Variants in HS3ST4 observed in about 807,000 individuals in gnomAD.
HS3ST4 encodes heparan sulfate glucosamine 3-O-sulfotransferase 4.
HS3ST4 carries 17 observed loss-of-function variants against 29.2 expected under a neutral mutation model. That is an observed-to-expected ratio of 0.58 (90% CI 0.40 to 0.87). The LOEUF (loss-of-function observed/expected upper bound fraction) is 0.87, where lower values mean the gene tolerates loss of function less well. Among genes scored for constraint, HS3ST4 ranks in the 40% least tolerant of loss-of-function variants. The probability of loss-of-function intolerance (pLI) is 0.00; values close to 1 mark genes in which losing one functional copy is unlikely to be tolerated. For missense variants in HS3ST4, 627 were observed against 634.5 expected, an observed-to-expected ratio of 0.99 and a Z score of 0.13; for synonymous variants, 314 against 285.7, an observed-to-expected ratio of 1.10 and a Z score of -1.00.
chr16:25,778,339 C>A (rs1596567963), intron 1 of HS3ST4, among the ~76,000 whole-genome samples: 1 of 152,280 alleles, frequency 6.6e-6, no homozygotes, highest in Non-Finnish European at 1.5e-5. Context: ...AGTGCCTCAC[C>A]TTATGGTTCC....
chr16:25,893,603 C>T (rs1277272716), intron 1 of HS3ST4, among the ~76,000 whole-genome samples: 2 of 152,282 alleles, frequency 1.3e-5, no homozygotes, highest in Middle Eastern at 3.4e-3. Context: ...CATGCAAATT[C>T]ATGGGCCAAT....
chr16:25,761,408 A>G (rs893430744), intron 1 of HS3ST4, among the ~76,000 whole-genome samples: 4 of 152,222 alleles, frequency 2.6e-5, no homozygotes, highest in Non-Finnish European at 5.9e-5. Context: ...CTGAAGAGTT[A>G]ATAAATTTAC....
chr16:25,752,249 A>G (rs965347251), intron 1 of HS3ST4, among the ~76,000 whole-genome samples: 4 of 152,206 alleles, frequency 2.6e-5, no homozygotes, highest in African/African-American at 7.2e-5. Flanking sequence ...AAGTTTCACA[A>G]CAGCAAGTGG....
At chr16:25,855,301 T>C (rs767857045) in intron 1 of HS3ST4, among the ~76,000 whole-genome samples, 1 of 152,132 alleles carries the variant, frequency 6.6e-6, no homozygotes, top group Non-Finnish European at 1.5e-5. Flanking sequence ...TCAGAGAGAA[T>C]AGGTGGTAAA....
At position 25,821,183 on chromosome 16, in the gene HS3ST4, G is replaced by A. The variant is rs545498609; in HGVS notation, c.734+128032G>A. On this transcript the variant is annotated intron_variant, in intron 1 of 1. Transcript: ENST00000331351. ...CGCCATTCTCCTGCCTCAGCCTCCC[G>A]AGTAGCTGGGACTACAGGCACCCGC... is the stretch of plus-strand genomic sequence containing the variant. 3.8e-4 allele frequency among the ~76,000 whole-genome samples: 57 copies of A among 150,102 alleles called. No individual in the cohort carries two copies. The South Asian group carries it at 4.9e-3, about 13-fold the overall frequency.
At chr16:26,130,251 C>G (rs1024805401) in intron 1 of HS3ST4, among the ~76,000 whole-genome samples, 4 of 152,184 alleles carry the variant, frequency 2.6e-5, no homozygotes, top group Non-Finnish European at 5.9e-5. Flanking sequence ...CTGTGCCAAG[C>G]CCAGATGCAG....
At position 25,797,189 on chromosome 16, in the gene HS3ST4, G is replaced by A. The variant is rs75836368; in HGVS notation, c.734+104038G>A. 1.2e-3 allele frequency among the ~76,000 whole-genome samples: 190 copies of A among 152,308 alleles called. 5 individuals carry two copies. The East Asian group carries it at 0.032, about 26-fold the overall frequency. On this transcript the variant is annotated intron_variant, in intron 1 of 1. Transcript: ENST00000331351. ...TTGTTTCGAATTTGAGAAAAACCAC[G>A]TAGACAGGTTTTCAACTTTATCCAT...
At chr16:25,951,980 A>G (rs1404419064) in intron 1 of HS3ST4, among the ~76,000 whole-genome samples, 1 of 149,994 alleles carries the variant, frequency 6.7e-6, no homozygotes, top group African/African-American at 2.5e-5. Flanking sequence ...AAAAAAAAGA[A>G]TTAAATAAAA....
chr16:25,803,658 A>AT, intron 1 of HS3ST4, among the ~76,000 whole-genome samples: 1 of 152,226 alleles, frequency 6.6e-6, no homozygotes, highest in East Asian at 1.9e-4. Flanking sequence ...GTGTCAGAGA[A>AT]TTTTTTTCTG....
intron 1 of HS3ST4, among the ~76,000 whole-genome samples, chr16:25,765,488 G>A (rs1415011427): frequency 6.6e-6 from 1 of 152,168 alleles, no homozygotes; most frequent in Non-Finnish European, 1.5e-5. Context: ...CAGATCCAAA[G>A]GCAGGAGGGG....
chr16:26,030,366 G>C (rs999786296), intron 1 of HS3ST4, among the ~76,000 whole-genome samples: 1 of 152,162 alleles, frequency 6.6e-6, no homozygotes, highest in Admixed American at 6.5e-5. Context: ...TGATTGTGCC[G>C]TTGCACTCTA....
At chr16:26,116,761 T>C (rs191668656) in intron 1 of HS3ST4, among the ~76,000 whole-genome samples, 1 of 152,354 alleles carries the variant, frequency 6.6e-6, no homozygotes, top group Non-Finnish European at 1.5e-5. Context: ...ATCTACTTAT[T>C]CATGAAGTAC....
intron 1 of HS3ST4, among the ~76,000 whole-genome samples, chr16:25,903,615 C>T (rs756947512): frequency 2.0e-5 from 3 of 152,060 alleles, no homozygotes; most frequent in African/African-American, 4.8e-5. Flanking sequence ...GCATACTTGT[C>T]CACATCTTTA....
At chr16:25,696,314 C>T (rs1443449641) in intron 1 of HS3ST4, among the ~76,000 whole-genome samples, 1 of 152,204 alleles carries the variant, frequency 6.6e-6, no homozygotes, top group African/African-American at 2.4e-5. Context: ...AGACTTTAAA[C>T]TCTTCTAAGG....
At chr16:25,954,770 G>A (rs1968712807) in intron 1 of HS3ST4, among the ~76,000 whole-genome samples, 1 of 152,122 alleles carries the variant, frequency 6.6e-6, no homozygotes, top group African/African-American at 2.4e-5. Flanking sequence ...TTGGATTTGG[G>A]ATGCTTGGCT....
chr16:25,895,320 G>A (rs191577562), intron 1 of HS3ST4, among the ~76,000 whole-genome samples: 109 of 152,294 alleles, frequency 7.2e-4, no homozygotes, highest in African/African-American at 2.6e-3. Flanking sequence ...GGTAGACAAG[G>A]ATCAGACAAT....
rs576661102 is a variant in HS3ST4 at position 25,939,582 on chromosome 16, G to A, written c.735-196030G>A. Among the ~76,000 whole-genome samples, 15 of 151,978 alleles carry A rather than the reference G, an allele frequency of 9.9e-5. No homozygotes were observed. In the East Asian group the frequency reaches 2.3e-3, roughly 24 times the overall value. On this transcript the variant is annotated intron_variant, in intron 1 of 1. Coordinates refer to ENST00000331351, the MANE Select transcript of HS3ST4 (RefSeq NM_006040.3). Reference sequence around the variant, plus strand: ...TGGAACTCCCAACCTCAGATGATCCGCCCACCTCAGTCTCCCAAAGTGTTG... The same window carrying A: ...TGGAACTCCCAACCTCAGATGATCCACCCACCTCAGTCTCCCAAAGTGTTG...
chr16:25,839,135 C>T (rs981686804), intron 1 of HS3ST4, among the ~76,000 whole-genome samples: 1 of 152,114 alleles, frequency 6.6e-6, no homozygotes, highest in African/African-American at 2.4e-5. Flanking sequence ...CTGTATATAT[C>T]CTCCTTGGTA....
chr16:25,893,583 C>A (rs115617012), intron 1 of HS3ST4, among the ~76,000 whole-genome samples: 2 of 152,178 alleles, frequency 1.3e-5, no homozygotes, highest in African/African-American at 4.8e-5. Flanking sequence ...CATTGGCCAG[C>A]TTTGAGCCAC....
Sources: gnomAD v4.1 joint callset for allele counts (sites outside exome capture counted in the v4.1 genomes callset) on GRCh38, gnomAD v4.1.1 for gene constraint, MANE v1.5 for transcripts, NCBI Gene and HGNC (gene_info 2026-07-23, HGNC 2026-07-21) for gene names.